Variants in RGL1 observed in about 807,000 individuals in gnomAD.
The protein encoded by RGL1 is ral guanine nucleotide dissociation stimulator-like 1.
RGL1 carries 24 observed loss-of-function variants against 95.2 expected under a neutral mutation model. That is an observed-to-expected ratio of 0.25 (90% CI 0.18 to 0.35). The LOEUF is 0.35. Ranked by LOEUF, RGL1 falls within the 10% of genes least tolerant of loss-of-function variation. RGL1 has a pLI of 1.00. For missense variants in RGL1, 715 were observed against 936.3 expected, an observed-to-expected ratio of 0.76 and a Z score of 3.08; for synonymous variants, 329 against 344.9, an observed-to-expected ratio of 0.95 and a Z score of 0.51.
intron 2 of RGL1, among the ~76,000 whole-genome samples, chr1:183,835,604 C>G (rs992314090): frequency 2.0e-5 from 3 of 152,114 alleles, no homozygotes; most frequent in Non-Finnish European, 4.4e-5. Context: ...TTGTTTCCCC[C>G]CAAAGAGAGT....
At chr1:183,647,916 G>T (rs767190380) in intron 1 of RGL1, 1 of 1,614,206 alleles carries the variant, frequency 6.2e-7, no homozygotes, top group East Asian at 2.2e-5. Flanking sequence ...AACAACAGGA[G>T]CCCTGAGGTC....
chr1:183,650,873 G>GC (rs1650700899), intron 1 of RGL1, among the ~76,000 whole-genome samples: 1 of 151,974 alleles, frequency 6.6e-6, no homozygotes, highest in South Asian at 2.1e-4. Context: ...TATAATGTGT[G>GC]CCTTTATTAT....
At chr1:183,710,959 A>G (rs1362604444) in intron 1 of RGL1, among the ~76,000 whole-genome samples, 1 of 152,150 alleles carries the variant, frequency 6.6e-6, no homozygotes, top group East Asian at 1.9e-4. Context: ...CAGATGTGAC[A>G]TGCTTACATA....
chr1:183,870,315 G>A (rs897425584), intron 4 of RGL1, among the ~76,000 whole-genome samples: 1 of 149,852 alleles, frequency 6.7e-6, no homozygotes, highest in Admixed American at 6.6e-5. Flanking sequence ...CTTCCGGCCA[G>A]GGTAGTTGTC....
At chr1:183,744,170 T>C (rs906998639) in intron 2 of RGL1, among the ~76,000 whole-genome samples, 7 of 152,196 alleles carry the variant, frequency 4.6e-5, no homozygotes, top group Non-Finnish European at 1.0e-4. Flanking sequence ...CTCACTACAG[T>C]TGTGTTTAAA....
At position 183,806,446 on chromosome 1, in the gene RGL1, G is replaced by C; in HGVS notation, c.99G>C (p.Gln33His). 1 of 1,614,106 alleles carries C rather than the reference G, an allele frequency of 6.2e-7. No individual in the cohort carries two copies. Among genetic ancestry groups the C allele is most frequent in the East Asian group, 2.2e-5 (1 of 44,888 alleles). ...AVYHVTLKRV[Q>H]IQQAANKGAR... is the part of the protein sequence containing the mutation. ...ACCATGTCACCCTCAAAAGAGTCCA[G>C]ATTCAACAGGCTGCCAATAAAGGAG... The change falls in exon 2 of 18, where the codon CAG (glutamine) becomes CAC (histidine). Residue 33 changes from glutamine (Q) to histidine (H), a missense_variant. Gln to His is a conservative substitution (Grantham distance 24). Around this residue, in one of 3 missense-constraint regions of RGL1, gnomAD observed 381 missense variants for 484.8 expected, o/e 0.79. Coordinates refer to ENST00000360851, the MANE Select transcript of RGL1 (RefSeq NM_001297671.3).
chr1:183,895,833 T>C (rs1667666163), intron 9 of RGL1, among the ~76,000 whole-genome samples: 1 of 152,148 alleles, frequency 6.6e-6, no homozygotes, highest in African/African-American at 2.4e-5. Context: ...AGGGATGGAA[T>C]CTCATTCTCA....
chr1:183,831,771 T>A (rs1186275069), intron 2 of RGL1, among the ~76,000 whole-genome samples: 2 of 152,216 alleles, frequency 1.3e-5, no homozygotes, highest in Non-Finnish European at 2.9e-5. Flanking sequence ...GCTGATTTGG[T>A]TGAAGGCCAA....
At chr1:183,705,615 G>T (rs1654866016) in intron 1 of RGL1, among the ~76,000 whole-genome samples, 1 of 152,156 alleles carries the variant, frequency 6.6e-6, no homozygotes, top group Non-Finnish European at 1.5e-5. Flanking sequence ...AAGAGGTTTT[G>T]GGAATCAGGG....
chr1:183,666,270 G>T (rs1652035609), intron 1 of RGL1, among the ~76,000 whole-genome samples: 1 of 152,028 alleles, frequency 6.6e-6, no homozygotes, highest in Non-Finnish European at 1.5e-5. Context: ...CTCCGAAAGT[G>T]CTGGGATTAC....
chr1:183,798,846 T>C (rs1660830386), intron 2 of RGL1, among the ~76,000 whole-genome samples: 2 of 151,192 alleles, frequency 1.3e-5, no homozygotes, highest in African/African-American at 4.9e-5. Context: ...GTATTTCAGG[T>C]CCATTTATGT....
intron 1 of RGL1, among the ~76,000 whole-genome samples, chr1:183,728,601 G>A (rs1417405315): frequency 6.6e-6 from 1 of 152,068 alleles, no homozygotes; most frequent in Admixed American, 6.6e-5. Flanking sequence ...TTATAGATTT[G>A]ATGACATTCC....
chr1:183,716,697 T>C (rs1655644538), intron 1 of RGL1, among the ~76,000 whole-genome samples: 1 of 152,234 alleles, frequency 6.6e-6, no homozygotes, highest in South Asian at 2.1e-4. Context: ...GTATAAAGAA[T>C]CAGAAGATCT....
chr1:183,653,053 T>C (rs981880760), intron 1 of RGL1: 1 of 152,226 alleles, frequency 6.6e-6, no homozygotes, highest in Non-Finnish European at 1.5e-5. Context: ...TAAAAACAAA[T>C]GTTAGCAGTT....
chr1:183,643,228 A>G (rs1448016418), intron 1 of RGL1, among the ~76,000 whole-genome samples: 1 of 152,060 alleles, frequency 6.6e-6, no homozygotes, highest in Non-Finnish European at 1.5e-5. Context: ...TGCTATAAAC[A>G]TGGGTGTAGA....
At chr1:183,846,776 A>C (rs1558245173) in intron 2 of RGL1, among the ~76,000 whole-genome samples, 1 of 152,124 alleles carries the variant, frequency 6.6e-6, no homozygotes, top group Non-Finnish European at 1.5e-5. Flanking sequence ...GCTACTCGGG[A>C]GGCTGAGGCA....
upstream of RGL1, among the ~76,000 whole-genome samples, chr1:183,804,918 C>G (rs1254344265): frequency 1.3e-5 from 2 of 152,216 alleles, no homozygotes; most frequent in African/African-American, 4.8e-5. Context: ...ACCTGGTGAC[C>G]GTCAGGAAAA....
chr1:183,896,383 A>G (rs535566993), intron 9 of RGL1, among the ~76,000 whole-genome samples: 6 of 152,358 alleles, frequency 3.9e-5, no homozygotes, highest in Admixed American at 1.3e-4. Flanking sequence ...GTGAAAAACT[A>G]TGAATGGGAG....
chr1:183,681,066 G>C (rs1242151408), intron 1 of RGL1, among the ~76,000 whole-genome samples: 1 of 152,206 alleles, frequency 6.6e-6, no homozygotes, highest in African/African-American at 2.4e-5. Context: ...AGCTTAAGGA[G>C]ATTTTGGGCT....
Sources: allele counts gnomAD v4.1 joint callset (sites outside exome capture counted in the v4.1 genomes callset), GRCh38; gene constraint gnomAD v4.1.1; regional missense constraint gnomAD v4.1.1; transcripts MANE v1.5; gene names NCBI Gene and HGNC (gene_info 2026-07-23, HGNC 2026-07-21).